Variants in GMCL1 observed in about 807,000 individuals in gnomAD.
GMCL1 encodes germ cell-less 1, spermatogenesis associated.
GMCL1 carries 54 observed loss-of-function variants against 75.5 expected under a neutral mutation model. The ratio of observed to expected loss-of-function variants is 0.71; its 90% CI spans 0.57 to 0.90. The LOEUF is 0.90. Among genes scored for constraint, GMCL1 ranks in the 40% least tolerant of loss-of-function variants. The probability of loss-of-function intolerance (pLI) is 0.00; values close to 1 mark genes in which losing one functional copy is unlikely to be tolerated. For missense variants in GMCL1, 537 were observed against 622.7 expected, an observed-to-expected ratio of 0.86 and a Z score of 1.47; for synonymous variants, 210 against 209.6, an observed-to-expected ratio of 1.00 and a Z score of -0.02.
chr2:69,832,234 A>C (rs950868184), intron 1 of GMCL1, among the ~76,000 whole-genome samples: 1 of 152,066 alleles, frequency 6.6e-6, no homozygotes, highest in Non-Finnish European at 1.5e-5. Context: ...AAAAAAAAAA[A>C]ATTCTGACTT....
intron 8 of GMCL1, among the ~76,000 whole-genome samples, chr2:69,854,145 T>TATTATC (rs1024773849): frequency 3.4e-5 from 5 of 147,700 alleles, no homozygotes; most frequent in Admixed American, 2.7e-4. Flanking sequence ...TTATTATTAT[T>TATTATC]ATTATCATTA....
intron 13 of GMCL1, among the ~76,000 whole-genome samples, chr2:69,877,953 AT>A (rs1676172052): frequency 6.6e-6 from 1 of 152,238 alleles, no homozygotes; most frequent in Non-Finnish European, 1.5e-5. Flanking sequence ...AATGCATACT[AT>A]TGCAGAGAGC....
intron 11 of GMCL1, among the ~76,000 whole-genome samples, chr2:69,866,965 G>C (rs1026884144): frequency 6.8e-6 from 1 of 147,944 alleles, no homozygotes; most frequent in African/African-American, 2.5e-5. Context: ...TTTTTTTTGA[G>C]ACAGAGTCTC....
intron 4 of GMCL1, 24 bp downstream of exon 4, chr2:69,841,063 A>G (rs1674970852): frequency 2.0e-6 from 3 of 1,520,118 alleles, no homozygotes; most frequent in Non-Finnish European, 1.8e-6. Flanking sequence ...TTATTCGAAG[A>G]AAGGTTCAGA....
rs137980733 is a variant in GMCL1, at chr2:69,838,009, G to T, written c.384+339G>T. Among the ~76,000 whole-genome samples the T allele has an allele frequency of 6.6e-5, 10 of 152,142 alleles. No homozygotes were observed. In the East Asian group the frequency reaches 1.9e-3, roughly 29 times the overall value. ...GATTGTAGTGTTTATTTTGCTTATG[G>T]TTATTTAAATTGGATAAACTCATCT... On this transcript the variant is annotated intron_variant, in intron 2 of 13. Transcript: ENST00000282570.
chr2:69,844,662 A>G (rs577386536), intron 6 of GMCL1: 64 of 153,950 alleles, frequency 4.2e-4, no homozygotes, highest in Admixed American at 1.4e-3. Context: ...ATATTTTTCC[A>G]TCTCTGATTA....
rs1182696427 is a variant in GMCL1, at chr2:69,855,687, G to A, written c.1072+727G>A. ...AGGAAAACTTAGAGTTAACTCTTCT[G>A]GTATATTTGGAAGTGATGCATTTTT... On this transcript the variant is annotated intron_variant, in intron 9 of 13. Transcript: ENST00000282570. 2.0e-5 allele frequency among the ~76,000 whole-genome samples: 3 copies of A among 152,130 alleles called. No individual in the cohort carries two copies. In the East Asian group the frequency reaches 5.8e-4, roughly 29 times the overall value.
chr2:69,869,112 C>T (rs1349363933), intron 11 of GMCL1, among the ~76,000 whole-genome samples: 2 of 147,366 alleles, frequency 1.4e-5, no homozygotes, highest in Non-Finnish European at 2.9e-5. Flanking sequence ...ATTAGCCAGG[C>T]TTGGCGCATG....
chr2:69,858,121 G>C (rs1443747757), intron 9 of GMCL1, among the ~76,000 whole-genome samples: 1 of 152,142 alleles, frequency 6.6e-6, no homozygotes, highest in African/African-American at 2.4e-5. Flanking sequence ...CTGCAGATCA[G>C]ATCCGTGACG....
chr2:69,835,910 C>G (rs1177421036), intron 1 of GMCL1, among the ~76,000 whole-genome samples: 7 of 152,306 alleles, frequency 4.6e-5, no homozygotes, highest in South Asian at 2.1e-4. Context: ...GCCACAGATT[C>G]TTTAAATTTC....
chr2:69,855,733 T>G (rs1273581995), intron 9 of GMCL1, among the ~76,000 whole-genome samples: 1 of 152,184 alleles, frequency 6.6e-6, no homozygotes, highest in Non-Finnish European at 1.5e-5. Context: ...TTTAGCAAGT[T>G]TATAGATACT....
chr2:69,851,490 A>G (rs1675319352), intron 8 of GMCL1, among the ~76,000 whole-genome samples: 1 of 152,086 alleles, frequency 6.6e-6, no homozygotes, highest in Non-Finnish European at 1.5e-5. Flanking sequence ...GTCGCCTATA[A>G]TCCCAGCTGC....
rs1456052631 is a variant in GMCL1 at position 69,849,755 on chromosome 2, T to A, written c.934+13T>A. The A allele has an allele frequency of 1.3e-6, 2 of 1,513,528 alleles. No individual in the cohort carries two copies. The highest frequency in any genetic ancestry group is 8.9e-7 in the Non-Finnish European group (1 of 1,123,300). The allele number at this position is 1,513,528 out of a possible 1,614,324, so 93.8% of individuals were successfully genotyped here. ...AAACAGAGGAAAGGTAGGCCTGAAG[T>A]TTTTGAGAACTTGTCTTTTAAAAGG... On this transcript the variant is annotated intron_variant, in intron 8 of 13. Coordinates refer to ENST00000282570, the MANE Select transcript of GMCL1 (RefSeq NM_178439.5).
chr2:69,868,420 T>A (rs1394044700), intron 11 of GMCL1, among the ~76,000 whole-genome samples: 1 of 152,060 alleles, frequency 6.6e-6, no homozygotes, highest in African/African-American at 2.4e-5. Context: ...CCTAACTACT[T>A]CTCTGTATCA....
intron 9 of GMCL1, among the ~76,000 whole-genome samples, chr2:69,860,679 G>T (rs577681242): frequency 2.0e-5 from 3 of 152,248 alleles, no homozygotes; most frequent in African/African-American, 7.2e-5. Flanking sequence ...TTAAACGCAA[G>T]AATATGCTTT....
chr2:69,861,881 G>A (rs972902967), intron 10 of GMCL1, among the ~76,000 whole-genome samples: 2 of 152,046 alleles, frequency 1.3e-5, no homozygotes, highest in African/African-American at 4.8e-5. Context: ...TCAAGAGTTC[G>A]AGACCAGCCT....
intron 10 of GMCL1, among the ~76,000 whole-genome samples, chr2:69,862,343 G>A (rs1675678728): frequency 2.0e-5 from 3 of 152,078 alleles, no homozygotes; most frequent in Admixed American, 1.3e-4. Flanking sequence ...GTGTATGAAA[G>A]TATTACATAA....
rs1675845687 is a variant in GMCL1, at chr2:69,867,234, C to T, written c.1218+2259C>T. On this transcript the variant is annotated intron_variant, in intron 11 of 13. Coordinates refer to ENST00000282570, the MANE Select transcript of GMCL1 (RefSeq NM_178439.5). The stretch of plus-strand genomic sequence containing the variant: ...TTGTTGAGATTATAGGCATGAGCCA[C>T]CACGTCCAGCCCTCACTACCTTTCT... Among the ~76,000 whole-genome samples the T allele has an allele frequency of 2.6e-5, 4 of 152,138 alleles. No homozygotes were observed. In the South Asian group the frequency reaches 8.3e-4, roughly 32 times the overall value.
At chr2:69,833,752 T>C (rs1462817042) in intron 1 of GMCL1, among the ~76,000 whole-genome samples, 4 of 152,384 alleles carry the variant, frequency 2.6e-5, no homozygotes, top group African/African-American at 4.8e-5. Flanking sequence ...AAGTTTTAGC[T>C]TTTAGGCCCA....
Sources: gnomAD v4.1 joint callset for allele counts (sites outside exome capture counted in the v4.1 genomes callset) on GRCh38, gnomAD v4.1.1 for gene constraint, MANE v1.5 for transcripts, NCBI Gene and HGNC (gene_info 2026-07-23, HGNC 2026-07-21) for gene names.